The following CTPS2 variants were observed in gnomAD, a reference collection of about 807,000 sequenced individuals.
CTPS2 encodes CTP synthase 2.
CTPS2 carries 19 observed loss-of-function variants against 46.8 expected under a neutral mutation model. The ratio of observed to expected loss-of-function variants is 0.41; its 90% CI spans 0.28 to 0.60. The LOEUF (loss-of-function observed/expected upper bound fraction) is 0.60. Among genes scored for constraint, CTPS2 ranks in the 20% least tolerant of loss-of-function variants. The pLI is 0.35. For synonymous variants in CTPS2, 151 were observed against 165.2 expected, an observed-to-expected ratio of 0.91 and a Z score of 0.66; for missense variants, 286 against 447.6, an observed-to-expected ratio of 0.64 and a Z score of 3.26.
intron 9 of CTPS2, among the ~76,000 whole-genome samples, chrX:16,682,309 A>AC (rs1403067430): frequency 5.4e-5 from 6 of 111,399 alleles, no homozygotes; most frequent in African/African-American, 2.0e-4. Context: ...ACGTGGTGAA[A>AC]CCCCGTCTCT....
chrX:16,677,546 C>T (rs981168319), intron 10 of CTPS2, among the ~76,000 whole-genome samples: 1 of 111,425 alleles, frequency 9.0e-6, no homozygotes, highest in Non-Finnish European at 1.9e-5. Context: ...AAATATTGAA[C>T]CACAGCAACT....
chrX:16,652,018 T>TG (rs757274649), intron 13 of CTPS2, among the ~76,000 whole-genome samples: 308 of 97,676 alleles, frequency 3.2e-3, no homozygotes, highest in Non-Finnish European at 5.2e-3. Flanking sequence ...TAGAGCAGGA[T>TG]GGGGGGGGCC....
At chrX:16,693,513 A>C (rs377218364) in intron 4 of CTPS2, 26 bp from the exon 5 acceptor site, 37 of 998,847 alleles carry the variant, frequency 3.7e-5, no homozygotes, top group Non-Finnish European at 5.1e-5. Context: ...AAACAAAAAA[A>C]GACACAAATG....
intron 1 of CTPS2, among the ~76,000 whole-genome samples, chrX:16,706,731 G>A (rs1347053335): frequency 9.1e-6 from 1 of 110,246 alleles, no homozygotes; most frequent in Admixed American, 9.8e-5. Flanking sequence ...CGTGGTTGTG[G>A]GCACTTGTAA....
At chrX:16,674,119 T>A (rs1238092848) in intron 10 of CTPS2, among the ~76,000 whole-genome samples, 1 of 111,037 alleles carries the variant, frequency 9.0e-6, no homozygotes, top group Non-Finnish European at 1.9e-5. Context: ...ATGTGGATTT[T>A]TTTTTTTTTT....
At chrX:16,708,710 A>T (rs949393469) in intron 1 of CTPS2, among the ~76,000 whole-genome samples, 1 of 111,591 alleles carries the variant, frequency 9.0e-6, no homozygotes, top group Non-Finnish European at 1.9e-5. Flanking sequence ...TGCTTTAATT[A>T]TACCTTATTC....
intron 4 of CTPS2, among the ~76,000 whole-genome samples, chrX:16,696,803 T>C (rs1178986103): frequency 5.4e-5 from 6 of 111,645 alleles, no homozygotes; most frequent in African/African-American, 1.3e-4. Context: ...AACACTTACA[T>C]TGATGACAAT....
intron 8 of CTPS2, among the ~76,000 whole-genome samples, chrX:16,687,376 G>A (rs771701969): frequency 3.3e-4 from 35 of 105,586 alleles, no homozygotes; most frequent in Non-Finnish European, 6.4e-4. Context: ...TGGGGACGCT[G>A]AGGCAGGAGG....
Position 16,588,602 on chromosome X carries a change from A to ATATATTGTGTAATTCCACT in CTPS2, c.*1196_*1214dup, listed in dbSNP as rs1928736388. On this transcript the variant is annotated 3_prime_UTR_variant, in exon 19 of 19. Transcript: ENST00000359276. ...GAAGAAGCCAGACACAAAAGACCAC[A>ATATATTGTGTAATTCCACT]TATATTGTGTAATTCCACTTATATG... The ATATATTGTGTAATTCCACT allele has an allele frequency of 8.9e-6, 1 of 111,780 alleles. No homozygotes were observed. The highest frequency in any genetic ancestry group is 9.6e-5 in the Admixed American group (1 of 10,461). 9.2% of individuals were successfully genotyped at this position (111,780 alleles called of 1,213,427 possible). A position where few individuals can be genotyped will look rare whatever the true frequency, so the allele number is the denominator to read the frequency against.
In CTPS2 at chrX:16,693,207, T is replaced by C. The variant is rs756969118; in HGVS notation, c.573A>G (p.Glu191=). ...SLVPQLSATG[E]QKTKPTQNSV... ...TGTTTTGGGTGGGTTTGGTTTTTTG[T>C]TCTCCGGTAGCACTGAGCTGAAAAA... The change falls in exon 6 of 19, where the codon GAA becomes GAG. Residue 191 remains glutamate, a synonymous_variant. Coordinates refer to ENST00000359276, the MANE Select transcript of CTPS2 (RefSeq NM_175859.3). 1.5e-5 allele frequency: 18 copies of C among 1,209,997 alleles called. No homozygotes were observed. Among genetic ancestry groups the C allele is most frequent in the Non-Finnish European group, 1.9e-5 (17 of 894,084 alleles).
chrX:16,619,949 G>C (rs914867171), intron 15 of CTPS2, among the ~76,000 whole-genome samples: 1 of 111,350 alleles, frequency 9.0e-6, no homozygotes, highest in African/African-American at 3.3e-5. Flanking sequence ...ATAAAGGGTG[G>C]GGGCTAAGGA....
In CTPS2 at chrX:16,624,178, C is replaced by T. The variant is rs1051149503; in HGVS notation, c.1394-3846G>A. Among the ~76,000 whole-genome samples, 8 of 110,892 alleles carry T rather than the reference C, an allele frequency of 7.2e-5. No individual in the cohort carries two copies. In the East Asian group the frequency reaches 1.4e-3, roughly 19 times the overall value. On this transcript the variant is annotated intron_variant, in intron 14 of 18. Coordinates refer to ENST00000359276, the MANE Select transcript of CTPS2 (RefSeq NM_175859.3). ...GAATGAAATCAACATACAACAGATA[C>T]GATATACAATGAAACATGTTTTCAG...
intron 3 of CTPS2, 143 bp from the exon 4 acceptor site, chrX:16,698,479 T>G (rs774329768): frequency 8.7e-5 from 39 of 450,238 alleles, no homozygotes; most frequent in Non-Finnish European, 1.3e-4. Flanking sequence ...AACGCAACAA[T>G]TTTAAAAGAA....
intron 13 of CTPS2, among the ~76,000 whole-genome samples, chrX:16,653,672 C>A (rs1467934736): frequency 1.8e-5 from 2 of 108,117 alleles, no homozygotes; most frequent in Non-Finnish European, 3.9e-5. Context: ...GGCTGGCAGT[C>A]TGTATTTACT....
chrX:16,660,866 A>G (rs1602218536), intron 13 of CTPS2, among the ~76,000 whole-genome samples: 1 of 110,872 alleles, frequency 9.0e-6, no homozygotes, highest in East Asian at 2.8e-4. Flanking sequence ...TCTGATGTCA[A>G]CTCTAAACCT....
intron 4 of CTPS2, among the ~76,000 whole-genome samples, chrX:16,695,544 TTTTATTTA>T (rs1184827935): frequency 1.1e-4 from 12 of 111,479 alleles, no homozygotes; most frequent in African/African-American, 3.9e-4. Flanking sequence ...CTTTTTTTAT[TTTTATTTA>T]TTTATTTATT....
At chrX:16,623,605 G>A (rs1930952725) in intron 14 of CTPS2, among the ~76,000 whole-genome samples, 1 of 110,314 alleles carries the variant, frequency 9.1e-6, no homozygotes, top group African/African-American at 3.3e-5. Context: ...TCTTTGCTAT[G>A]GCTGAATAGT....
intron 13 of CTPS2, among the ~76,000 whole-genome samples, chrX:16,645,128 G>A (rs932953103): frequency 5.5e-5 from 6 of 108,855 alleles, no homozygotes; most frequent in Admixed American, 9.8e-5. Flanking sequence ...GACTACAGGC[G>A]CCCGCCACCA....
chrX:16,636,916 CA>C (rs762437375), intron 14 of CTPS2, among the ~76,000 whole-genome samples: 5 of 105,465 alleles, frequency 4.7e-5, no homozygotes, highest in African/African-American at 1.4e-4. Context: ...GACTCCGTCT[CA>C]AAAAAAAATA....
Sources: allele counts gnomAD v4.1 joint callset (sites outside exome capture counted in the v4.1 genomes callset), GRCh38; gene constraint gnomAD v4.1.1; transcripts MANE v1.5; gene names NCBI Gene and HGNC (gene_info 2026-07-23, HGNC 2026-07-21).